CASP1: variants seen among roughly 807,000 people sequenced by gnomAD.
The protein encoded by CASP1 is caspase-1.
A neutral mutation model predicts 41.2 loss-of-function variants in CASP1; 31 were observed. The observed-to-expected ratio is 0.75, with a 90% CI of 0.57 to 1.02. CASP1 has a LOEUF of 1.02. Among genes scored for constraint, CASP1 ranks in the 50% least tolerant of loss-of-function variants. The pLI is 0.00. For synonymous variants in CASP1, 163 were observed against 166.5 expected, an observed-to-expected ratio of 0.98 and a Z score of 0.16; for missense variants, 490 against 495.7, an observed-to-expected ratio of 0.99 and a Z score of 0.11.
chr11:105,033,635 CA>C (rs1863833010), intron 2 of CASP1, among the ~76,000 whole-genome samples: 1 of 152,224 alleles, frequency 6.6e-6, no homozygotes, highest in South Asian at 2.1e-4. Flanking sequence ...AACAGGCAAC[CA>C]GGTGATCTTA....
At chr11:105,027,055 A>G (rs1354150074) in intron 7 of CASP1, 104 bp from the exon 8 acceptor site, 2 of 751,114 alleles carry the variant, frequency 2.7e-6, no homozygotes, top group Non-Finnish European at 4.8e-6. Flanking sequence ...GAAATCATAA[A>G]TTTAGTAGCA....
upstream of CASP1, among the ~76,000 whole-genome samples, chr11:105,036,088 A>C (rs1864006747): frequency 6.6e-6 from 1 of 152,210 alleles, no homozygotes; most frequent in South Asian, 2.1e-4. Flanking sequence ...GTACCTACAC[A>C]GTTTTGAGCA....
At chr11:105,031,038 G>A in intron 4 of CASP1, 127 bp downstream of exon 4, 1 of 634,792 alleles carries the variant, frequency 1.6e-6, no homozygotes, top group East Asian at 2.7e-5. Context: ...CTTTATGTAA[G>A]GGGAGCAGAA....
intron 2 of CASP1, 127 bp downstream of exon 2, chr11:105,034,081 C>G: frequency 1.3e-6 from 2 of 1,505,396 alleles, no homozygotes; most frequent in South Asian, 2.3e-5. Context: ...GACCCTGCTA[C>G]AGAAATATGG....
intron 3 of CASP1, among the ~76,000 whole-genome samples, chr11:105,031,616 A>C (rs1193013415): frequency 6.6e-6 from 1 of 152,234 alleles, no homozygotes; most frequent in Admixed American, 6.5e-5. Flanking sequence ...AAAATAGTTA[A>C]GAATATAAAC....
At chr11:105,029,049 A>G in intron 7 of CASP1, 75 bp downstream of exon 7, 1 of 1,379,176 alleles carries the variant, frequency 7.3e-7, no homozygotes, top group South Asian at 1.4e-5. Context: ...GTTGTTAATC[A>G]CCACCTCTAG....
At chr11:105,027,079 C>T (rs542731974) in intron 7 of CASP1, 128 bp from the exon 8 acceptor site, 99 of 711,002 alleles carry the variant, frequency 1.4e-4, no homozygotes, top group African/African-American at 5.4e-4. Context: ...AAGGAAAAGG[C>T]GGAATGGGGT....
chr11:105,031,859 A>G (rs898414743), intron 3 of CASP1, among the ~76,000 whole-genome samples: 1 of 152,182 alleles, frequency 6.6e-6, no homozygotes, highest in African/African-American at 2.4e-5. Context: ...AGTAGAATGA[A>G]GATATAATGA....
At chr11:105,025,498 T>C, downstream of CASP1, 2 of 411,726 alleles carry the variant, frequency 4.9e-6, no homozygotes, top group South Asian at 3.6e-5. Context: ...GGGAGAAAAA[T>C]GAGGACAAGT....
At chr11:105,031,007 G>A in intron 4 of CASP1, 158 bp downstream of exon 4, 1 of 579,068 alleles carries the variant, frequency 1.7e-6, no homozygotes, top group South Asian at 2.1e-5. Context: ...TATAAACCTG[G>A]GATTCTAGGA....
Position 105,034,336 on chromosome 11 carries a change from G to A in CASP1, c.146C>T (p.Thr49Ile), listed in dbSNP as rs2134865578. 1 of 1,614,122 alleles carries A rather than the reference G, an allele frequency of 6.2e-7. No individual in the cohort carries two copies. The change falls in exon 2 of 9, where the codon ACA (threonine) becomes ATA (isoleucine). Residue 49 changes from threonine (T) to isoleucine (I), a missense_variant. Thr to Ile is a moderately conservative substitution (Grantham distance 89, BLOSUM62 -1). Coordinates refer to ENST00000533400, the MANE Select transcript of CASP1 (RefSeq NM_001257118.3). Reference protein sequence around the residue: ...EMEKVKRENATVMDKTRALID... With the variant: ...EMEKVKRENAIVMDKTRALID... ...CAAAGCTCGGGTCTTATCCATAACT[G>A]TAGCATTTTCACGTTTTACTTTCTC...
At position 105,033,891 on chromosome 11, in the gene CASP1, G is replaced by A. The variant is rs1289627848; in HGVS notation, c.274+317C>T. The A allele has an allele frequency of 4.5e-6, 3 of 662,828 alleles. No homozygotes were observed. The Admixed American group carries it at 5.4e-5, about 12-fold the overall frequency. The allele number at this position is 662,828 out of a possible 1,614,324, so 41.1% of individuals were successfully genotyped here. ...GCACTCAGCAAAAATAAATCCACAG[G>A]TAAATATTTTGCCTTGCCAGGAACA... On this transcript the variant is annotated intron_variant, in intron 2 of 8. Coordinates refer to ENST00000533400, the MANE Select transcript of CASP1 (RefSeq NM_001257118.3).
chr11:105,034,861 A>T (rs561635474), intron 1 of CASP1, among the ~76,000 whole-genome samples: 1 of 152,334 alleles, frequency 6.6e-6, no homozygotes, highest in East Asian at 1.9e-4. Context: ...CATGTAAGTA[A>T]GAGTTTAATT....
intron 1 of CASP1, 30 bp downstream of exon 1, chr11:105,035,077 G>C (rs757290519): frequency 6.2e-7 from 1 of 1,612,448 alleles, no homozygotes. Flanking sequence ...TCTTCCCAGG[G>C]ACCTGTTCTT....
intron 7 of CASP1, among the ~76,000 whole-genome samples, chr11:105,027,986 A>G (rs1292067088): frequency 6.6e-6 from 1 of 152,092 alleles, no homozygotes; most frequent in Non-Finnish European, 1.5e-5. Context: ...TAAATCAGCC[A>G]GATTGATAAT....
chr11:105,031,242 A>C lies in CASP1; in HGVS notation c.376T>G (p.Ser126Ala), dbSNP rs1382140696. The C allele has an allele frequency of 6.2e-7, 1 of 1,612,500 alleles. No individual in the cohort carries two copies. The highest frequency in any genetic ancestry group is 1.3e-5 in the African/African-American group (1 of 74,804). The change falls in exon 4 of 9, where the codon TCC (serine) becomes GCC (alanine). Residue 126 changes from serine to alanine, a missense_variant. Coordinates refer to ENST00000533400, the MANE Select transcript of CASP1 (RefSeq NM_001257118.3). ...TTGACATTCCCTTCTGAGCCTGAGG[A>C]TGTGGGCATAGCTGGGTTGTCCTGC... ...AVQDNPAMPT[S>A]SGSEGNVKLC...
At position 105,026,889 on chromosome 11, in the gene CASP1, T is replaced by G. The variant is rs141608703; in HGVS notation, c.1069A>C (p.Met357Leu). The G allele has an allele frequency of 1.3e-3, 2,174 of 1,611,660 alleles. 3 individuals carry two copies. The highest frequency in any genetic ancestry group is 1.7e-3 in the Non-Finnish European group (2,009 of 1,177,914). Residue 357 changes from methionine to leucine, a missense_variant, in exon 8 of 9, where the codon ATG becomes CTG. By Grantham distance (15) the Met-to-Leu change is conservative. Transcript: ENST00000533400. ...TCACAGGAACAGGCATATTCTTGCATATGTTCAATGAGTCTTCCAATAAAA... is the reference window on the plus strand; with the variant it reads ...TCACAGGAACAGGCATATTCTTGCAGATGTTCAATGAGTCTTCCAATAAAA... The part of the protein sequence containing the change: ...SVFIGRLIEH[M>L]QEYACSCDVE...
At chr11:105,026,699 C>T in intron 8 of CASP1, 143 bp downstream of exon 8, 1 of 624,202 alleles carries the variant, frequency 1.6e-6, no homozygotes, top group Non-Finnish European at 2.8e-6. Flanking sequence ...GGTTTGTCCA[C>T]TCTCCAAAGA....
At chr11:105,026,719 C>T in intron 8 of CASP1, 123 bp downstream of exon 8, 1 of 659,312 alleles carries the variant, frequency 1.5e-6, no homozygotes. Flanking sequence ...AACTCCAAAA[C>T]TCTTTTGGAA....
Sources: gnomAD v4.1 joint callset for allele counts (sites outside exome capture counted in the v4.1 genomes callset) on GRCh38, gnomAD v4.1.1 for gene constraint, MANE v1.5 for transcripts, NCBI Gene and HGNC (gene_info 2026-07-23, HGNC 2026-07-21) for gene names.